The following KCNIP1 variants were observed in gnomAD, a reference collection of about 807,000 sequenced individuals.
The protein encoded by KCNIP1 is potassium voltage-gated channel interacting protein 1.
In KCNIP1, 18 loss-of-function variants were observed where a neutral mutation model predicts 33.0. The observed-to-expected ratio is 0.55, with a 90% CI of 0.38 to 0.81. The LOEUF (loss-of-function observed/expected upper bound fraction) is 0.81, where lower values mean the gene tolerates loss of function less well. KCNIP1 is among the 30% of genes least tolerant of loss of function. The probability of loss-of-function intolerance (pLI) is 0.00; values close to 1 mark genes in which losing one functional copy is unlikely to be tolerated. For missense variants in KCNIP1, 238 were observed against 271.6 expected (o/e 0.88, Z 0.87); for synonymous variants, 93 against 98.3 (o/e 0.95, Z 0.32).
At chr5:170,547,475 T>A (rs2113400637) in intron 1 of KCNIP1, among the ~76,000 whole-genome samples, 1 of 152,288 alleles carries the variant, frequency 6.6e-6, no homozygotes, top group East Asian at 1.9e-4. Context: ...TATTTCATCA[T>A]CCACATATTA....
intron 1 of KCNIP1, among the ~76,000 whole-genome samples, chr5:170,567,525 G>A (rs1253025924): frequency 6.6e-6 from 1 of 152,168 alleles, no homozygotes; most frequent in Admixed American, 6.5e-5. Context: ...GTCCAGAGGT[G>A]GAAAAAAGCT....
intron 1 of KCNIP1, among the ~76,000 whole-genome samples, chr5:170,592,156 A>C (rs775763447): frequency 4.1e-4 from 62 of 152,206 alleles, no homozygotes; most frequent in Non-Finnish European, 7.8e-4. Context: ...AGTCATCCTA[A>C]TGGGTGTGAA....
intron 1 of KCNIP1, among the ~76,000 whole-genome samples, chr5:170,524,720 A>G (rs1034675010): frequency 6.6e-6 from 1 of 152,158 alleles, no homozygotes; most frequent in Admixed American, 6.5e-5. Context: ...AAACTAGTTC[A>G]TGCCTTCATT....
chr5:170,512,771 C>T (rs747112472), intron 1 of KCNIP1, among the ~76,000 whole-genome samples: 1 of 152,178 alleles, frequency 6.6e-6, no homozygotes, highest in East Asian at 1.9e-4. Context: ...GAGTCCCGGC[C>T]AGGCGCGGTG....
At chr5:170,649,683 A>ATT (rs11392825) in intron 1 of KCNIP1, among the ~76,000 whole-genome samples, 11 of 152,026 alleles carry the variant, frequency 7.2e-5, no homozygotes, top group African/African-American at 2.7e-4. Context: ...ACACAAAGGC[A>ATT]TTTTTTAGAT....
At chr5:170,473,659 A>G (rs1756786278) in intron 1 of KCNIP1, among the ~76,000 whole-genome samples, 1 of 152,150 alleles carries the variant, frequency 6.6e-6, no homozygotes, top group Non-Finnish European at 1.5e-5. Context: ...CACTCATGAT[A>G]TCCCACACCT....
At chr5:170,408,528 G>C (rs1293849045) in intron 1 of KCNIP1, among the ~76,000 whole-genome samples, 1 of 152,146 alleles carries the variant, frequency 6.6e-6, no homozygotes, top group Non-Finnish European at 1.5e-5. Context: ...AAAACACCTC[G>C]CAGAAGCACA....
chr5:170,457,586 G>A (rs1274780214), intron 1 of KCNIP1, among the ~76,000 whole-genome samples: 1 of 152,216 alleles, frequency 6.6e-6, no homozygotes, highest in Non-Finnish European at 1.5e-5. Context: ...AGATCCAGAA[G>A]AGAGATAACA....
At chr5:170,687,476 C>T (rs531699569) in intron 1 of KCNIP1, among the ~76,000 whole-genome samples, 5 of 152,308 alleles carry the variant, frequency 3.3e-5, no homozygotes, top group East Asian at 3.9e-4. Flanking sequence ...AGTGAGCCAC[C>T]GTGCCTGGCC....
At chr5:170,571,121 C>A (rs1200698110) in intron 1 of KCNIP1, among the ~76,000 whole-genome samples, 1 of 152,216 alleles carries the variant, frequency 6.6e-6, no homozygotes, top group Non-Finnish European at 1.5e-5. Context: ...ACCCACAGGT[C>A]CCCTGCTGTC....
upstream of KCNIP1, among the ~76,000 whole-genome samples, chr5:170,499,651 G>GA (rs1178107065): frequency 1.3e-5 from 2 of 152,196 alleles, no homozygotes; most frequent in African/African-American, 4.8e-5. Context: ...AGGATGAGAA[G>GA]AAACATGGCT....
intron 1 of KCNIP1, among the ~76,000 whole-genome samples, chr5:170,400,463 A>G (rs1581155175): frequency 6.6e-6 from 1 of 151,214 alleles, no homozygotes; most frequent in East Asian, 1.9e-4. Flanking sequence ...TGATCCAATC[A>G]CCCCCCACCA....
chr5:170,573,984 T>G (rs762076656), intron 1 of KCNIP1, among the ~76,000 whole-genome samples: 1 of 152,258 alleles, frequency 6.6e-6, no homozygotes, highest in Non-Finnish European at 1.5e-5. Flanking sequence ...TAAATTTTCC[T>G]GCTAAATAGA....
At chr5:170,643,056 T>G (rs146050440) in intron 1 of KCNIP1, among the ~76,000 whole-genome samples, 172 of 152,274 alleles carry the variant, frequency 1.1e-3, no homozygotes, top group African/African-American at 3.9e-3. Flanking sequence ...TTGGGAGACA[T>G]TATCCTAGAT....
chr5:170,598,571 A>G (rs1436418684), intron 1 of KCNIP1, among the ~76,000 whole-genome samples: 1 of 152,222 alleles, frequency 6.6e-6, no homozygotes, highest in Admixed American at 6.5e-5. Flanking sequence ...GCAAAGAACC[A>G]GGACATGGGT....
intron 1 of KCNIP1, among the ~76,000 whole-genome samples, chr5:170,608,794 T>C (rs1001271502): frequency 1.3e-5 from 2 of 151,530 alleles, no homozygotes; most frequent in Non-Finnish European, 2.9e-5. Context: ...AAGACAAAAT[T>C]AGTGTGGGAA....
chr5:170,608,597 C>T (rs1222035943), intron 1 of KCNIP1, among the ~76,000 whole-genome samples: 1 of 152,066 alleles, frequency 6.6e-6, no homozygotes, highest in African/African-American at 2.4e-5. Context: ...CATGGTAAAA[C>T]CCCGTCTCTA....
intron 1 of KCNIP1, among the ~76,000 whole-genome samples, chr5:170,363,474 C>G (rs1437955226): frequency 6.6e-6 from 1 of 152,146 alleles, no homozygotes; most frequent in Non-Finnish European, 1.5e-5. Flanking sequence ...AGAGGAAAAG[C>G]CATGTGAGGG....
At chr5:170,607,428 C>G (rs906336901) in intron 1 of KCNIP1, among the ~76,000 whole-genome samples, 31 of 152,180 alleles carry the variant, frequency 2.0e-4, no homozygotes, top group African/African-American at 7.5e-4. Flanking sequence ...ACCGTATGCT[C>G]CAAACCCAGG....
Sources: gnomAD v4.1 joint callset for allele counts (sites outside exome capture counted in the v4.1 genomes callset) on GRCh38, gnomAD v4.1.1 for gene constraint, MANE v1.5 for transcripts, NCBI Gene and HGNC (gene_info 2026-07-23, HGNC 2026-07-21) for gene names.